The following SEC23A variants were observed in gnomAD, a reference collection of about 807,000 sequenced individuals.
The protein encoded by SEC23A is SEC23 homolog A, COPII component.
In SEC23A, 56 loss-of-function variants were observed where a neutral mutation model predicts 103.7. That is an observed-to-expected ratio of 0.54 (90% CI 0.44 to 0.67). The LOEUF (loss-of-function observed/expected upper bound fraction) is 0.67. Ranked by LOEUF, SEC23A falls within the 30% of genes least tolerant of loss-of-function variation. SEC23A has a pLI of 0.00. For missense variants in SEC23A, 784 were observed against 936.4 expected (o/e 0.84, Z 2.12); for synonymous variants, 281 against 293.0 (o/e 0.96, Z 0.42).
intron 5 of SEC23A, 114 bp downstream of exon 5, chr14:39,091,363 C>A: frequency 1.4e-6 from 1 of 740,474 alleles, no homozygotes; most frequent in South Asian, 1.6e-5. Flanking sequence ...TGTTATAATA[C>A]AATTATATTA....
intron 14 of SEC23A, among the ~76,000 whole-genome samples, chr14:39,052,824 G>C (rs1886113575): frequency 6.6e-6 from 1 of 152,160 alleles, no homozygotes; most frequent in Admixed American, 6.5e-5. Flanking sequence ...ATCACAGTAA[G>C]TGAAAATGCT....
rs1463487494 is a variant in SEC23A, at chr14:39,094,395, CACATAT to C, written c.222-1157_222-1152del. On this transcript the variant is annotated intron_variant, in intron 2 of 19. Transcript: ENST00000307712. Reference sequence around the variant, plus strand: ...ATATACACACACACACACACACACACACATATATATATATATATATATATATATATA... The same window carrying C: ...ATATACACACACACACACACACACACATATATATATATATATATATATATA... Among the ~76,000 whole-genome samples, 50 of 11,112 alleles carry C rather than the reference CACATAT, an allele frequency of 4.5e-3. 5 individuals are homozygous for C. Among genetic ancestry groups the C allele is most frequent in the Middle Eastern group, 0.029 (1 of 34 alleles). 7.3% of individuals were successfully genotyped at this position (11,112 alleles called of 152,430 possible). A position where few individuals can be genotyped will look rare whatever the true frequency, so the allele number is the denominator to read the frequency against.
chr14:39,079,562 G>A (rs1887146289), intron 7 of SEC23A, among the ~76,000 whole-genome samples: 1 of 152,154 alleles, frequency 6.6e-6, no homozygotes. Flanking sequence ...GCTCACACCT[G>A]TAATCCCAGC....
intron 13 of SEC23A, among the ~76,000 whole-genome samples, chr14:39,059,278 TAAA>T (rs750853379): frequency 5.2e-4 from 37 of 71,816 alleles, no homozygotes; most frequent in South Asian, 8.2e-4. Flanking sequence ...AGTCCTAGTT[TAAA>T]AAAAAAAAAA....
In SEC23A at chr14:39,032,596, C is replaced by G. The variant is rs758344003; in HGVS notation, c.*643G>C. 2.6e-5 allele frequency: 4 copies of G among 152,572 alleles called. No homozygotes were observed. The highest frequency in any genetic ancestry group is 4.4e-5 in the Non-Finnish European group (3 of 67,998). 9.5% of individuals were successfully genotyped at this position (152,572 alleles called of 1,614,324 possible). Reference sequence around the variant, plus strand: ...AGTTGGATATTTTGTGGAAATTTCACATTTTTTGTCAGCTGCGGGATTGTT... The same window carrying G: ...AGTTGGATATTTTGTGGAAATTTCAGATTTTTTGTCAGCTGCGGGATTGTT... On this transcript the variant is annotated 3_prime_UTR_variant, in exon 20 of 20. Coordinates refer to ENST00000307712, the MANE Select transcript of SEC23A (RefSeq NM_006364.4).
At chr14:39,061,720 G>T in intron 13 of SEC23A, 45 bp downstream of exon 13, 1 of 1,353,874 alleles carries the variant, frequency 7.4e-7, no homozygotes, top group South Asian at 1.2e-5. Context: ...ACACAACCCA[G>T]ATACCTGTGA....
chr14:39,094,902 A>T (rs1887833385), intron 2 of SEC23A: 1 of 658,992 alleles, frequency 1.5e-6, no homozygotes, highest in Admixed American at 2.5e-5. Flanking sequence ...AAGGCTTTAT[A>T]GATCTTGATA....
At chr14:39,100,451 T>C (rs1186651190) in intron 1 of SEC23A, among the ~76,000 whole-genome samples, 1 of 151,926 alleles carries the variant, frequency 6.6e-6, no homozygotes, top group Non-Finnish European at 1.5e-5. Context: ...TTTCGCTCGT[T>C]GCCCAGGCTG....
intron 13 of SEC23A, among the ~76,000 whole-genome samples, chr14:39,055,658 A>G (rs1273988722): frequency 9.9e-5 from 15 of 152,222 alleles, no homozygotes; most frequent in Admixed American, 9.8e-4. Context: ...AGCTTTAGGT[A>G]TTAGGCTAAC....
At chr14:39,074,967 C>T (rs910093587) in intron 8 of SEC23A, among the ~76,000 whole-genome samples, 1 of 151,936 alleles carries the variant, frequency 6.6e-6, no homozygotes, top group Non-Finnish European at 1.5e-5. Flanking sequence ...ATTAGCCGGG[C>T]GTGGTGGTGG....
intron 5 of SEC23A, 45 bp from the exon 6 acceptor site, chr14:39,087,053 A>T: frequency 9.0e-7 from 1 of 1,108,670 alleles, no homozygotes; most frequent in South Asian, 1.2e-5. Flanking sequence ...TTACTTTTAC[A>T]AAGATTTATC....
chr14:39,054,037 G>GA (rs965559374), intron 14 of SEC23A, among the ~76,000 whole-genome samples: 1 of 152,132 alleles, frequency 6.6e-6, no homozygotes, highest in African/African-American at 2.4e-5. Context: ...CACTTTGGGA[G>GA]AATGAGGTGG....
At position 39,033,370 on chromosome 14, in the gene SEC23A, G is replaced by A. The variant is rs150706966; in HGVS notation, c.2209-42C>T. On this transcript the variant is annotated intron_variant, in intron 19 of 19. Coordinates refer to ENST00000307712, the MANE Select transcript of SEC23A (RefSeq NM_006364.4). Reference sequence around the variant, plus strand: ...ATTTGTTATGATTAAAGCATAGGGTGATATCATGGAATTTATACACAAATG... The same window carrying A: ...ATTTGTTATGATTAAAGCATAGGGTAATATCATGGAATTTATACACAAATG... 267 of 1,271,392 alleles carry A rather than the reference G, an allele frequency of 2.1e-4. 2 individuals are homozygous for A. In the East Asian group the frequency reaches 6.1e-3, roughly 29 times the overall value. The allele number at this position is 1,271,392 out of a possible 1,614,324, so 78.8% of individuals were successfully genotyped here. A position where few individuals can be genotyped will look rare whatever the true frequency, so the allele number is the denominator to read the frequency against.
intron 1 of SEC23A, among the ~76,000 whole-genome samples, chr14:39,097,404 C>A (rs1416142056): frequency 6.6e-6 from 1 of 152,018 alleles, no homozygotes; most frequent in Non-Finnish European, 1.5e-5. Flanking sequence ...ACCTAGGGTG[C>A]CTGGAAAACC....
intron 10 of SEC23A, among the ~76,000 whole-genome samples, chr14:39,065,417 A>AC (rs1396677581): frequency 1.3e-5 from 2 of 152,014 alleles, no homozygotes; most frequent in Admixed American, 6.6e-5. Context: ...AAAAAAAAAA[A>AC]AATTGGAAAG....
intron 13 of SEC23A, among the ~76,000 whole-genome samples, chr14:39,057,650 G>A (rs1182203937): frequency 6.6e-6 from 1 of 152,184 alleles, no homozygotes; most frequent in Non-Finnish European, 1.5e-5. Flanking sequence ...TTATAGGCAT[G>A]AGCCACCGCA....
intron 7 of SEC23A, among the ~76,000 whole-genome samples, chr14:39,084,188 G>GTT (rs1179095288): frequency 7.0e-6 from 1 of 143,358 alleles, no homozygotes. Context: ...CGCCCGGCTA[G>GTT]TTTTTTTTTT....
chr14:39,043,562 TGCACAAAGATTAAA>T (rs1342050184), intron 16 of SEC23A, among the ~76,000 whole-genome samples: 8 of 152,086 alleles, frequency 5.3e-5, no homozygotes, highest in African/African-American at 1.7e-4. Context: ...AGGTGTCACA[TGCACAAAGATTAAA>T]GCACAAAGAT....
At chr14:39,073,583 G>A (rs199929305) in intron 9 of SEC23A, among the ~76,000 whole-genome samples, 1 of 149,760 alleles carries the variant, frequency 6.7e-6, no homozygotes, top group African/African-American at 2.5e-5. Context: ...TGGGAGCCAC[G>A]GTGCCCGGCT....
Sources: allele counts gnomAD v4.1 joint callset (sites outside exome capture counted in the v4.1 genomes callset), GRCh38; gene constraint gnomAD v4.1.1; transcripts MANE v1.5; gene names NCBI Gene and HGNC (gene_info 2026-07-23, HGNC 2026-07-21).